The following FAM204A variants were observed in gnomAD, a reference collection of about 807,000 sequenced individuals.
The protein encoded by FAM204A is protein FAM204A.
FAM204A carries 16 observed loss-of-function variants against 35.4 expected under a neutral mutation model. That is an observed-to-expected ratio of 0.45 (90% CI 0.31 to 0.69). The LOEUF (loss-of-function observed/expected upper bound fraction) is 0.69. Among genes scored for constraint, FAM204A ranks in the 30% least tolerant of loss-of-function variants. FAM204A has a pLI of 0.07. For missense variants in FAM204A, 240 were observed against 265.7 expected (o/e 0.90, Z 0.67); for synonymous variants, 76 against 86.9 (o/e 0.88, Z 0.70).
At chr10:118,334,266 C>T (rs1846343391) in intron 6 of FAM204A, among the ~76,000 whole-genome samples, 2 of 152,080 alleles carry the variant, frequency 1.3e-5, no homozygotes, top group Non-Finnish European at 2.9e-5. Context: ...AATTTCTCTT[C>T]GTAACATCAC....
At position 118,309,584 on chromosome 10, in the gene FAM204A, C is replaced by A. The variant is rs369768221; in HGVS notation, c.*1273G>T. ...GTGCCGACACACCTGGTCTTGTTCA[C>A]CTGCTTGTTTTATGATTTTCTGGAG... is the stretch of plus-strand genomic sequence containing the variant. On this transcript the variant is annotated 3_prime_UTR_variant, in exon 9 of 9. Transcript: ENST00000369183. The A allele has an allele frequency of 6.6e-6, 1 of 152,128 alleles. No individual in the cohort carries two copies. The allele number at this position is 152,128 out of a possible 1,614,324, so 9.4% of individuals were successfully genotyped here.
chr10:118,311,071 AT>A, intron 8 of FAM204A, 135 bp downstream of exon 8: 1 of 1,023,516 alleles, frequency 9.8e-7, no homozygotes, highest in Non-Finnish European at 1.5e-6. Context: ...CTCTATATTT[AT>A]AATCTGATAA....
At chr10:118,338,972 A>C (rs1846429937) in intron 2 of FAM204A, among the ~76,000 whole-genome samples, 1 of 152,182 alleles carries the variant, frequency 6.6e-6, no homozygotes, top group Admixed American at 6.5e-5. Flanking sequence ...GGCATTAAAA[A>C]CTGTCCTCAG....
chr10:118,338,517 C>A (rs1232361421), intron 2 of FAM204A, among the ~76,000 whole-genome samples: 3 of 152,198 alleles, frequency 2.0e-5, no homozygotes, highest in Admixed American at 1.3e-4. Context: ...AGAAATAACT[C>A]TTTCCCTTCC....
Position 118,324,958 on chromosome 10 carries a change from A to G in FAM204A, c.543+1196T>C, listed in dbSNP as rs1477118679. Among the ~76,000 whole-genome samples the G allele has an allele frequency of 3.3e-5, 5 of 152,124 alleles. No individual in the cohort carries two copies. In the East Asian group the frequency reaches 9.6e-4, roughly 29 times the overall value. ...TTCCCTAAATGAAGTCCATGGCTTT[A>G]TAATTTCCTTTATATTAGTCATTAA... On this transcript the variant is annotated intron_variant, in intron 7 of 8. Transcript: ENST00000369183.
Position 118,297,942 on chromosome 10 carries a change from T to C in FAM204A, c.*12915A>G, listed in dbSNP as rs908455116. The C allele has an allele frequency of 6.6e-6, 1 of 152,216 alleles. No homozygotes were observed. The highest frequency in any genetic ancestry group is 1.5e-5 in the Non-Finnish European group (1 of 68,056). The allele number at this position is 152,216 out of a possible 1,614,324, so 9.4% of individuals were successfully genotyped here. A position where few individuals can be genotyped will look rare whatever the true frequency, so the allele number is the denominator to read the frequency against. ...AATTATACTTAGCTGCAATTGACCA[T>C]GTTTTATTGCTGAATTGTCACAACA... On this transcript the variant is annotated 3_prime_UTR_variant, in exon 9 of 9. Coordinates refer to ENST00000369183, the MANE Select transcript of FAM204A (RefSeq NM_022063.3).
At position 118,305,792 on chromosome 10, in the gene FAM204A, C is replaced by T. The variant is rs1259287167; in HGVS notation, c.*5065G>A. 6.6e-6 allele frequency: 1 copy of T among 152,170 alleles called. No homozygotes were observed. Among genetic ancestry groups the T allele is most frequent in the Non-Finnish European group, 1.5e-5 (1 of 68,022 alleles). 9.4% of individuals were successfully genotyped at this position (152,170 alleles called of 1,614,324 possible). A position where few individuals can be genotyped will look rare whatever the true frequency, so the allele number is the denominator to read the frequency against. ...ATATAGTAGGCATTCAGGAAATGTT[C>T]CTTGGGCATTATGTAGGGAGAAATT... On this transcript the variant is annotated 3_prime_UTR_variant, in exon 9 of 9. Coordinates refer to ENST00000369183, the MANE Select transcript of FAM204A (RefSeq NM_022063.3).
At chr10:118,336,726 T>TA (rs547819694) in intron 2 of FAM204A, among the ~76,000 whole-genome samples, 2 of 151,964 alleles carry the variant, frequency 1.3e-5, no homozygotes, top group African/African-American at 2.4e-5. Context: ...TAGTTTTGTC[T>TA]AAAAAAAACA....
At chr10:118,333,738 A>G (rs1435763506) in intron 6 of FAM204A, among the ~76,000 whole-genome samples, 1 of 152,158 alleles carries the variant, frequency 6.6e-6, no homozygotes, top group Non-Finnish European at 1.5e-5. Flanking sequence ...TGTTTAGAAA[A>G]CTGCCATAAC....
At chr10:118,325,036 A>G (rs937725889) in intron 7 of FAM204A, among the ~76,000 whole-genome samples, 2 of 152,062 alleles carry the variant, frequency 1.3e-5, no homozygotes, top group African/African-American at 4.8e-5. Flanking sequence ...CATTAAACAC[A>G]GAAGTATTTA....
chr10:118,329,726 T>G (rs1027012657), intron 6 of FAM204A, among the ~76,000 whole-genome samples: 3 of 152,188 alleles, frequency 2.0e-5, no homozygotes, highest in African/African-American at 7.2e-5. Context: ...TGTCACCGGC[T>G]TGGTGTGTCC....
chr10:118,325,150 A>T (rs1229738040), intron 7 of FAM204A, among the ~76,000 whole-genome samples: 3 of 152,068 alleles, frequency 2.0e-5, no homozygotes, highest in Non-Finnish European at 4.4e-5. Context: ...TTCACAAGAT[A>T]CTTAAAGCCT....
intron 2 of FAM204A, among the ~76,000 whole-genome samples, chr10:118,339,793 C>T (rs1846445644): frequency 1.2e-5 from 1 of 83,814 alleles, no homozygotes; most frequent in Non-Finnish European, 2.9e-5. Flanking sequence ...TTCCATCCCA[C>T]AATTATCCTC....
intron 5 of FAM204A, 89 bp from the exon 6 acceptor site, chr10:118,335,302 T>A (rs1846363345): frequency 6.5e-7 from 1 of 1,547,088 alleles, no homozygotes. Flanking sequence ...TATACTACAA[T>A]TACTAGTTCA....
Position 118,309,356 on chromosome 10 carries a change from T to A in FAM204A, c.*1501A>T, listed in dbSNP as rs1845912227. On this transcript the variant is annotated 3_prime_UTR_variant, in exon 9 of 9. Transcript: ENST00000369183. ...AAAAAAGCCATTAAATGTGCCACCA[T>A]AAATAAAATTTTGTTACTATTTTAA... 2.0e-5 allele frequency: 3 copies of A among 152,204 alleles called. No homozygotes were observed. The South Asian group carries it at 6.2e-4, about 31-fold the overall frequency. 9.4% of individuals were successfully genotyped at this position (152,204 alleles called of 1,614,324 possible).
At chr10:118,336,121 GAC>G in intron 3 of FAM204A, 59 bp downstream of exon 3, 1 of 1,564,378 alleles carries the variant, frequency 6.4e-7, no homozygotes, top group South Asian at 1.2e-5. Context: ...CCAGGGCAGA[GAC>G]ACACAGAGGC....
intron 6 of FAM204A, among the ~76,000 whole-genome samples, chr10:118,327,565 C>G (rs1483951334): frequency 2.0e-5 from 3 of 152,136 alleles, no homozygotes; most frequent in African/African-American, 7.2e-5. Context: ...CTACCAGTCT[C>G]CAGAAACATC....
rs1845923009 is a variant in FAM204A, at chr10:118,310,066, T to C, written c.*791A>G. 3 of 152,172 alleles carry C rather than the reference T, an allele frequency of 2.0e-5. 1 individual carries two copies. The South Asian group carries it at 6.2e-4, about 32-fold the overall frequency. 9.4% of individuals were successfully genotyped at this position (152,172 alleles called of 1,614,324 possible). ...CTTTTATAACATTAAGGTCAAGTCA[T>C]TTGTAAAGATAATATCAACTGAGAC... is the stretch of plus-strand genomic sequence containing the variant. On this transcript the variant is annotated 3_prime_UTR_variant, in exon 9 of 9. Coordinates refer to ENST00000369183, the MANE Select transcript of FAM204A (RefSeq NM_022063.3).
At chr10:118,316,708 T>C (rs1846036416) in intron 7 of FAM204A, among the ~76,000 whole-genome samples, 1 of 152,128 alleles carries the variant, frequency 6.6e-6, no homozygotes, top group African/African-American at 2.4e-5. Flanking sequence ...TATATACAAA[T>C]ATCTTTTATA....
Sources: gnomAD v4.1 joint callset for allele counts (sites outside exome capture counted in the v4.1 genomes callset) on GRCh38, gnomAD v4.1.1 for gene constraint, MANE v1.5 for transcripts, NCBI Gene and HGNC (gene_info 2026-07-23, HGNC 2026-07-21) for gene names.